The following C1QTNF1 variants were observed in gnomAD, a reference collection of about 807,000 sequenced individuals.
The protein encoded by C1QTNF1 is complement C1q tumor necrosis factor-related protein 1.
C1QTNF1 carries 22 observed loss-of-function variants against 27.8 expected under a neutral mutation model. The observed-to-expected ratio is 0.79, with a 90% CI of 0.56 to 1.13. The LOEUF (loss-of-function observed/expected upper bound fraction) is 1.13. Among genes scored for constraint, C1QTNF1 ranks in the 50% most tolerant of loss-of-function variants. C1QTNF1 has a pLI of 0.00. For missense variants in C1QTNF1, 373 were observed against 380.2 expected, an observed-to-expected ratio of 0.98 and a Z score of 0.16; for synonymous variants, 166 against 154.3, an observed-to-expected ratio of 1.08 and a Z score of -0.56.
At chr17:79,042,987 T>C (rs1347107371) in intron 1 of C1QTNF1, among the ~76,000 whole-genome samples, 2 of 152,032 alleles carry the variant, frequency 1.3e-5, no homozygotes, top group African/African-American at 4.8e-5. Flanking sequence ...AAAGTGTGCA[T>C]GTGTGGATTG....
In C1QTNF1 at chr17:79,028,589, A is replaced by G. The variant is rs553950341; in HGVS notation, c.-15+4095A>G. Among the ~76,000 whole-genome samples, 5 of 152,318 alleles carry G rather than the reference A, an allele frequency of 3.3e-5. No homozygotes were observed. In the South Asian group the frequency reaches 1.0e-3, roughly 32 times the overall value. ...AGGTCTCTTGCGTCCTCTGGCATTC[A>G]GGGGAGCCCCCTCCTCCATGAAAGG... On this transcript the variant is annotated intron_variant, in intron 1 of 3. Transcript: ENST00000579760.
chr17:79,043,591 G>A, intron 1 of C1QTNF1: 1 of 447,180 alleles, frequency 2.2e-6, no homozygotes, highest in South Asian at 1.7e-5. Context: ...GATTACATGT[G>A]TGTGGATTGC....
chr17:79,042,514 T>A (rs1278398978), intron 1 of C1QTNF1, among the ~76,000 whole-genome samples: 10 of 152,182 alleles, frequency 6.6e-5, no homozygotes, highest in African/African-American at 2.4e-4. Context: ...ATCCCTAAAG[T>A]AGATGCCAAG....
At chr17:79,026,540 C>T (rs1327955855) in intron 1 of C1QTNF1, among the ~76,000 whole-genome samples, 1 of 152,242 alleles carries the variant, frequency 6.6e-6, no homozygotes, top group Admixed American at 6.5e-5. Flanking sequence ...CTTCTCTCTC[C>T]CAGCTGCTAA....
At chr17:79,037,781 A>G (rs1266941951) in intron 1 of C1QTNF1, among the ~76,000 whole-genome samples, 1 of 150,466 alleles carries the variant, frequency 6.6e-6, no homozygotes, top group African/African-American at 2.5e-5. Flanking sequence ...TGATCCTCCT[A>G]CCTCAGTCTC....
At chr17:79,024,006 A>C (rs551503076), upstream of C1QTNF1, 1 of 152,420 alleles carries the variant, frequency 6.6e-6, no homozygotes, top group Non-Finnish European at 1.5e-5. Context: ...AGACTCACGG[A>C]ATCTGCCCCA....
chr17:79,030,554 C>T (rs901713195), intron 1 of C1QTNF1, among the ~76,000 whole-genome samples: 2 of 112,726 alleles, frequency 1.8e-5, no homozygotes, highest in Non-Finnish European at 3.9e-5. Flanking sequence ...TTCTTTCTTT[C>T]CTCTCTTTCT....
At chr17:79,027,086 G>C (rs376516869) in intron 1 of C1QTNF1, among the ~76,000 whole-genome samples, 1 of 151,724 alleles carries the variant, frequency 6.6e-6, no homozygotes, top group Non-Finnish European at 1.5e-5. Context: ...CTGGGCGGGG[G>C]GGGGCTGTGG....
At chr17:79,038,402 G>A (rs1031111023) in intron 1 of C1QTNF1, among the ~76,000 whole-genome samples, 3 of 152,216 alleles carry the variant, frequency 2.0e-5, no homozygotes, top group Non-Finnish European at 4.4e-5. Context: ...AGGGGGATGT[G>A]TTCTTGTTGG....
chr17:79,043,034 A>T (rs1265676416), intron 1 of C1QTNF1, among the ~76,000 whole-genome samples: 1 of 150,212 alleles, frequency 6.7e-6, no homozygotes, highest in Non-Finnish European at 1.5e-5. Flanking sequence ...GATTGCATGT[A>T]TATGAATGTG....
intron 1 of C1QTNF1, among the ~76,000 whole-genome samples, chr17:79,030,787 G>T (rs961087004): frequency 6.6e-6 from 1 of 151,888 alleles, no homozygotes; most frequent in South Asian, 2.1e-4. Context: ...TTTTAGTAGA[G>T]ACGGGGTTTT....
chr17:79,043,682 TTGAG>T, intron 1 of C1QTNF1: 1 of 566,882 alleles, frequency 1.8e-6, no homozygotes, highest in Non-Finnish European at 3.4e-6. Context: ...TGCATGTGTG[TTGAG>T]TGTGTGCATG....
At chr17:79,038,218 G>A (rs2072311151) in intron 1 of C1QTNF1, among the ~76,000 whole-genome samples, 1 of 151,924 alleles carries the variant, frequency 6.6e-6, no homozygotes, top group Non-Finnish European at 1.5e-5. Context: ...TTGAACTCCT[G>A]ACCTCAGGTG....
intron 1 of C1QTNF1, among the ~76,000 whole-genome samples, chr17:79,040,833 G>C (rs919482048): frequency 4.0e-5 from 6 of 151,856 alleles, no homozygotes; most frequent in African/African-American, 7.3e-5. Flanking sequence ...AAGTCCAGGA[G>C]GCAGAGGCTG....
At chr17:79,033,282 A>G (rs2072183602) in intron 1 of C1QTNF1, among the ~76,000 whole-genome samples, 1 of 152,062 alleles carries the variant, frequency 6.6e-6, no homozygotes, top group Non-Finnish European at 1.5e-5. Context: ...ATTTTGTTTA[A>G]CTGACATAGC....
intron 1 of C1QTNF1, 86 bp from the exon 2 acceptor site, chr17:79,043,869 C>A: frequency 6.8e-7 from 1 of 1,465,716 alleles, no homozygotes; most frequent in Non-Finnish European, 9.5e-7. Context: ...GATTTCCAGG[C>A]TGTTTCTCTC....
chr17:79,039,267 G>A (rs926325974), intron 1 of C1QTNF1, among the ~76,000 whole-genome samples: 2 of 152,240 alleles, frequency 1.3e-5, no homozygotes, highest in African/African-American at 2.4e-5. Context: ...AATGGCATCT[G>A]GTGGGGACAG....
At chr17:79,026,882 T>C (rs1289259765) in intron 1 of C1QTNF1, among the ~76,000 whole-genome samples, 1 of 152,100 alleles carries the variant, frequency 6.6e-6, no homozygotes, top group Non-Finnish European at 1.5e-5. Flanking sequence ...GACAACAGAG[T>C]GTTTTTGGAA....
chr17:79,041,835 G>C (rs945554864), intron 1 of C1QTNF1: 1 of 151,860 alleles, frequency 6.6e-6, no homozygotes, highest in Non-Finnish European at 1.5e-5. Context: ...CCCGAGCGAC[G>C]GTGTGTGTGG....
Sources: allele counts gnomAD v4.1 joint callset (sites outside exome capture counted in the v4.1 genomes callset), GRCh38; gene constraint gnomAD v4.1.1; transcripts MANE v1.5; gene names NCBI Gene and HGNC (gene_info 2026-07-23, HGNC 2026-07-21).